ADAMTS1: variants seen among roughly 807,000 people sequenced by gnomAD.
ADAMTS1 encodes the protein ADAM metallopeptidase with thrombospondin type 1 motif 1.
A neutral mutation model predicts 87.9 loss-of-function variants in ADAMTS1; 19 were observed. That is an observed-to-expected ratio of 0.22 (90% CI 0.15 to 0.32). ADAMTS1 has a LOEUF of 0.32. ADAMTS1 is among the 10% of genes least tolerant of loss of function. The pLI is 1.00. For synonymous variants in ADAMTS1, 542 were observed against 501.8 expected, an observed-to-expected ratio of 1.08 and a Z score of -1.07; for missense variants, 1,240 against 1,259.1, an observed-to-expected ratio of 0.98 and a Z score of 0.23.
At chr21:26,842,811 A>C in intron 1 of ADAMTS1, 126 bp from the exon 2 acceptor site, 3 of 727,296 alleles carry the variant, frequency 4.1e-6, no homozygotes, top group Non-Finnish European at 6.6e-6. Flanking sequence ...AACAACAATA[A>C]CAAAAATATT....
intron 2 of ADAMTS1, 89 bp from the exon 3 acceptor site, chr21:26,842,079 C>A: frequency 7.1e-7 from 1 of 1,411,366 alleles, no homozygotes; most frequent in Admixed American, 2.3e-5. Context: ...TTCACATATG[C>A]TTTGGAGCAT....
In ADAMTS1 at chr21:26,844,850, C is replaced by T. The variant is rs758427415; in HGVS notation, c.105G>A (p.Thr35=). ...PGSRSFGPVP[T]LLLLAAALLA... ...GTAGCGCCGCGGCGAGCAGCAGCAG[C>T]GTGGGTACTGGCCCAAAGCTCCGAG... Residue 35 remains threonine, a synonymous_variant, in exon 1 of 9, where the codon ACG becomes ACA. Transcript: ENST00000284984. 2 of 1,560,960 alleles carry T rather than the reference C, an allele frequency of 1.3e-6. No homozygotes were observed. The highest frequency in any genetic ancestry group is 1.8e-5 in the Admixed American group (1 of 56,662).
chr21:26,836,230 G>A lies in ADAMTS1; in HGVS notation c.*1349C>T, dbSNP rs1269469186. 1 of 152,044 alleles carries A rather than the reference G, an allele frequency of 6.6e-6. No individual in the cohort carries two copies. Among genetic ancestry groups the A allele is most frequent in the Non-Finnish European group, 1.5e-5 (1 of 68,012 alleles). 9.4% of individuals were successfully genotyped at this position (152,044 alleles called of 1,614,324 possible). A position where few individuals can be genotyped will look rare whatever the true frequency, so the allele number is the denominator to read the frequency against. ...AATTCGGTCTTCAGATTCAATATTT[G>A]TGCCTCAGGTTTCCTTCCTAGGAAT... On this transcript the variant is annotated 3_prime_UTR_variant, in exon 9 of 9. Transcript: ENST00000284984.
At position 26,839,757 on chromosome 21, in the gene ADAMTS1, T is replaced by A; in HGVS notation, c.1858A>T (p.Thr620Ser). 1.2e-6 allele frequency: 2 copies of A among 1,606,124 alleles called. No individual in the cohort carries two copies. The highest frequency in any genetic ancestry group is 8.5e-7 in the Non-Finnish European group (1 of 1,174,004). The change falls in exon 7 of 9, where the codon ACC becomes TCC. Residue 620 changes from threonine (T) to serine (S), a missense_variant. This residue lies in a region of ADAMTS1 where 317 missense variants were observed against 410.3 expected (regional missense o/e 0.77). Coordinates refer to ENST00000284984, the MANE Select transcript of ADAMTS1 (RefSeq NM_006988.5). ...GCTTCACATTGTTCCTCTCTAAAGG[T>A]TTTTCCTGGAAAGAGAATAATATGA... ...LEDCPDNNGK[T>S]FREEQCEAHN...
In ADAMTS1 at chr21:26,842,567, G is replaced by C; in HGVS notation, c.849C>G (p.Leu283=). 6.2e-7 allele frequency: 1 copy of C among 1,614,170 alleles called. No homozygotes were observed. The highest frequency in any genetic ancestry group is 8.5e-7 in the Non-Finnish European group (1 of 1,180,038). Residue 283 remains leucine, a synonymous_variant, in exon 2 of 9, where the codon CTC becomes CTG. Coordinates refer to ENST00000284984, the MANE Select transcript of ADAMTS1 (RefSeq NM_006988.5). ...ATCTGGCTGCCACCGAAAACAACGT[G>C]AGAAGGTAATGCTTTAGACCACTGC... is the stretch of plus-strand genomic sequence containing the variant. ...FHGSGLKHYL[L]TLFSVAARLY...
rs1488601327 is a variant in ADAMTS1, at chr21:26,838,660, G to A, written c.2029-46C>T. ...TAGTGTTACATACAAGCAAAGGAAG[G>A]AGATGCTGCAATGATAAGTGTAAAC... is the stretch of plus-strand genomic sequence containing the variant. On this transcript the variant is annotated intron_variant, in intron 7 of 8. Coordinates refer to ENST00000284984, the MANE Select transcript of ADAMTS1 (RefSeq NM_006988.5). 8 of 1,574,908 alleles carry A rather than the reference G, an allele frequency of 5.1e-6. No individual in the cohort carries two copies. In the South Asian group the frequency reaches 7.9e-5, roughly 16 times the overall value.
rs765284680 is a variant in ADAMTS1 at position 26,838,268 on chromosome 21, G to A, written c.2215C>T (p.His739Tyr). The change falls in exon 9 of 9, where the codon CAT becomes TAT. Residue 739 changes from histidine to tyrosine, a missense_variant. This residue lies in a region of ADAMTS1 where 402 missense variants were observed against 399.1 expected (regional missense o/e 1.01). Transcript: ENST00000284984. ...GSVTSAKPGY[H>Y]DIITIPTGAT... Reference sequence around the variant, plus strand: ...CCAGTTGGAATTGTGATGATATCATGATATCCAGGTCTGCAGGTGACAAAA... The same window carrying A: ...CCAGTTGGAATTGTGATGATATCATAATATCCAGGTCTGCAGGTGACAAAA... The A allele has an allele frequency of 1.9e-6, 3 of 1,606,718 alleles. No homozygotes were observed. The South Asian group carries it at 3.3e-5, about 18-fold the overall frequency.
chr21:26,840,688 T>C (rs1985475829), intron 4 of ADAMTS1, 126 bp from the exon 5 acceptor site: 1 of 1,107,294 alleles, frequency 9.0e-7, no homozygotes, highest in African/African-American at 1.6e-5. Flanking sequence ...ACTGTAAAGC[T>C]GGGGGAGGGA....
chr21:26,841,522 G>T, intron 3 of ADAMTS1: 1 of 268,400 alleles, frequency 3.7e-6, no homozygotes, highest in Admixed American at 4.8e-5. Context: ...TATGCAGCAG[G>T]TTCTTTTTTC....
At position 26,844,450 on chromosome 21, in the gene ADAMTS1, C is replaced by T; in HGVS notation, c.505G>A (p.Ala169Thr). 6 of 1,586,682 alleles carry T rather than the reference C, an allele frequency of 3.8e-6. No individual in the cohort carries two copies. Among genetic ancestry groups the T allele is most frequent in the Non-Finnish European group, 5.1e-6 (6 of 1,166,324 alleles). Reference sequence around the variant, plus strand: ...GGCTTCTCCCCTGGGGCGGCGGTGGCGAGGCGCTCGCTGGCGGCGGGCAGC... The same window carrying T: ...GGCTTCTCCCCTGGGGCGGCGGTGGTGAGGCGCTCGCTGGCGGCGGGCAGC... ...QPLPAASERL[A>T]TAAPGEKPPA... Residue 169 changes from alanine to threonine, a missense_variant, in exon 1 of 9, where the codon GCC becomes ACC. Physicochemically the swap from Ala to Thr is moderately conservative, Grantham distance 58 (BLOSUM62 0). Coordinates refer to ENST00000284984, the MANE Select transcript of ADAMTS1 (RefSeq NM_006988.5).
intron 4 of ADAMTS1, 86 bp downstream of exon 4, chr21:26,840,912 A>C (rs1257243969): frequency 3.4e-6 from 5 of 1,450,036 alleles, no homozygotes; most frequent in African/African-American, 2.8e-5. Context: ...GAAAATAAAA[A>C]GAACAAAAAG....
rs369936061 is a variant in ADAMTS1 at position 26,840,607 on chromosome 21, G to C, written c.1379-45C>G. 4 of 1,580,962 alleles carry C rather than the reference G, an allele frequency of 2.5e-6. No homozygotes were observed. The South Asian group carries it at 4.6e-5, about 18-fold the overall frequency. ...CAATATCAATACAGAGTTAGTGAGG[G>C]CATGAAGGGGTAGATCCCATTTCAG... On this transcript the variant is annotated intron_variant, in intron 4 of 8. Transcript: ENST00000284984.
rs1330489867 is a variant in ADAMTS1, at chr21:26,838,390, A to G, written c.2204+49T>C. ...CATATTTTTTTCCCAGACCTGTTGA[A>G]AGGCCCATTTAAATTATAAGGTCTG... On this transcript the variant is annotated intron_variant, in intron 8 of 8. Transcript: ENST00000284984. 3 of 1,606,106 alleles carry G rather than the reference A, an allele frequency of 1.9e-6. No homozygotes were observed. In the East Asian group the frequency reaches 6.7e-5, roughly 36 times the overall value.
Position 26,844,571 on chromosome 21 carries a change from G to T in ADAMTS1, c.384C>A (p.Thr128=), listed in dbSNP as rs564109320. The change falls in exon 1 of 9, where the codon ACC becomes ACA. Residue 128 remains threonine (T), a synonymous_variant. Transcript: ENST00000284984. ...TDLAHCFYSG[T]VNGDPSSAAA... is the part of the protein sequence containing the mutation. ...CAGCCGAGCTGGGATCGCCATTCAC[G>T]GTGCCGGAGTAGAAGCAGTGCGCCA... is the stretch of plus-strand genomic sequence containing the variant. 8.7e-6 allele frequency: 14 copies of T among 1,610,864 alleles called. No individual in the cohort carries two copies. In the Admixed American group the frequency reaches 1.0e-4, roughly 12 times the overall value.
Position 26,844,934 on chromosome 21 carries a change from C to T in ADAMTS1, c.21G>A (p.Glu7=). 1 of 1,510,326 alleles carries T rather than the reference C, an allele frequency of 6.6e-7. No individual in the cohort carries two copies. 93.6% of individuals were successfully genotyped at this position (1,510,326 alleles called of 1,614,324 possible). The change falls in exon 1 of 9, where the codon GAG becomes GAA. Residue 7 remains glutamate, a synonymous_variant. Coordinates refer to ENST00000284984, the MANE Select transcript of ADAMTS1 (RefSeq NM_006988.5). MQRAVP[E]GFGRRKLGSD... is the part of the protein sequence containing the mutation. ...TGCCCAGCTTGCGCCTTCCGAACCC[C>T]TCGGGCACAGCTCGCTGCATTGGAG...
chr21:26,842,476 C>G lies in ADAMTS1; in HGVS notation c.940G>C (p.Asp314His). 1 of 1,614,086 alleles carries G rather than the reference C, an allele frequency of 6.2e-7. No individual in the cohort carries two copies. Among genetic ancestry groups the G allele is most frequent in the Non-Finnish European group, 8.5e-7 (1 of 1,180,014 alleles). ...GTCACTTCCGGCCCCTTCTGTTCATCGTGGATGACCAAGATCTTCACCACC... is the reference window on the plus strand; with the variant it reads ...GTCACTTCCGGCCCCTTCTGTTCATGGTGGATGACCAAGATCTTCACCACC... The part of the protein sequence containing the change: ...LVVVKILVIH[D>H]EQKGPEVTSN... The change falls in exon 2 of 9, where the codon GAT becomes CAT. Residue 314 changes from aspartate (D) to histidine (H), a missense_variant. Coordinates refer to ENST00000284984, the MANE Select transcript of ADAMTS1 (RefSeq NM_006988.5).
At chr21:26,839,548 C>G (rs773557050) in intron 7 of ADAMTS1, 39 bp downstream of exon 7, 36 of 1,489,602 alleles carry the variant, frequency 2.4e-5, no homozygotes, top group Non-Finnish European at 3.2e-5. Context: ...CAAGCCCAGG[C>G]CTTGATTTTT....
At position 26,840,428 on chromosome 21, in the gene ADAMTS1, T is replaced by C. The variant is rs772718113; in HGVS notation, c.1513A>G (p.Thr505Ala). ...DSKHCPDAAS[T>A]CSTLWCTGTS... ...CCGGTACACCACAAGGTGCTACATGTGCTGGCTGCATCGGGGCAGTGTTTG... is the reference window on the plus strand; with the variant it reads ...CCGGTACACCACAAGGTGCTACATGCGCTGGCTGCATCGGGGCAGTGTTTG... Residue 505 changes from threonine (T) to alanine (A), a missense_variant, in exon 5 of 9, where the codon ACA becomes GCA. This residue lies in a region of ADAMTS1 where 317 missense variants were observed against 410.3 expected (regional missense o/e 0.77). Transcript: ENST00000284984. The C allele has an allele frequency of 6.2e-7, 1 of 1,613,982 alleles. No homozygotes were observed. The highest frequency in any genetic ancestry group is 1.3e-5 in the African/African-American group (1 of 74,934).
Position 26,838,625 on chromosome 21 carries a change from G to T in ADAMTS1, c.2029-11C>A. 6.2e-7 allele frequency: 1 copy of T among 1,612,420 alleles called. No homozygotes were observed. The highest frequency in any genetic ancestry group is 8.5e-7 in the Non-Finnish European group (1 of 1,179,266). On this transcript the variant is annotated splice_polypyrimidine_tract_variant and intron_variant, in intron 7 of 8. Transcript: ENST00000284984. ...AGTACCATCTACAACCTGAAAAAAG[G>T]ACACATGTCTAGTGTTACATACAAG...
Sources: allele counts gnomAD v4.1 joint callset, GRCh38; gene constraint gnomAD v4.1.1; regional missense constraint gnomAD v4.1.1; transcripts MANE v1.5; gene names NCBI Gene and HGNC (gene_info 2026-07-23, HGNC 2026-07-21).